The following SUCLG2 variants were observed in gnomAD, a reference collection of about 807,000 sequenced individuals.
The protein encoded by SUCLG2 is succinate-CoA ligase GDP-forming subunit beta.
SUCLG2 carries 42 observed loss-of-function variants against 47.9 expected under a neutral mutation model. That is an observed-to-expected ratio of 0.88 (90% CI 0.69 to 1.14). SUCLG2 has a LOEUF of 1.14. Ranked by LOEUF, SUCLG2 falls within the 50% of genes most tolerant of loss-of-function variation. The probability of loss-of-function intolerance (pLI) is 0.00; values close to 1 mark genes in which losing one functional copy is unlikely to be tolerated. For synonymous variants in SUCLG2, 195 were observed against 197.3 expected, an observed-to-expected ratio of 0.99 and a Z score of 0.10; for missense variants, 571 against 525.9, an observed-to-expected ratio of 1.09 and a Z score of -0.84.
chr3:67,531,686 A>T (rs1291533964), intron 2 of SUCLG2, among the ~76,000 whole-genome samples: 2 of 152,186 alleles, frequency 1.3e-5, no homozygotes, highest in Non-Finnish European at 2.9e-5. Flanking sequence ...GAGTTCACTA[A>T]AATCATCTCT....
chr3:67,447,090 C>CA (rs1443987994), intron 9 of SUCLG2, among the ~76,000 whole-genome samples: 1 of 152,108 alleles, frequency 6.6e-6, no homozygotes, highest in South Asian at 2.1e-4. Context: ...AGTGTGTTGT[C>CA]AAAATGCAGA....
At chr3:67,492,352 T>C (rs567416546) in intron 9 of SUCLG2, among the ~76,000 whole-genome samples, 1 of 152,316 alleles carries the variant, frequency 6.6e-6, no homozygotes, top group South Asian at 2.1e-4. Context: ...ATTCCAGATG[T>C]TACATTTGCT....
chr3:67,569,588 C>G (rs774918786), intron 2 of SUCLG2, among the ~76,000 whole-genome samples: 1 of 152,216 alleles, frequency 6.6e-6, no homozygotes, highest in African/African-American at 2.4e-5. Flanking sequence ...AGGTTTTGGA[C>G]TTGCTTGGGC....
chr3:67,403,332 A>G (rs924859737), intron 9 of SUCLG2, among the ~76,000 whole-genome samples: 2 of 152,196 alleles, frequency 1.3e-5, no homozygotes, highest in Non-Finnish European at 2.9e-5. Flanking sequence ...GTGCTTCTCT[A>G]AAACAAAGAT....
intron 2 of SUCLG2, among the ~76,000 whole-genome samples, chr3:67,538,404 C>T (rs1009190091): frequency 6.6e-6 from 1 of 151,550 alleles, no homozygotes; most frequent in Admixed American, 6.6e-5. Context: ...TTTCGGAGGC[C>T]TCTGTTGGTC....
At chr3:67,436,218 G>A (rs886564606) in intron 9 of SUCLG2, among the ~76,000 whole-genome samples, 1 of 152,154 alleles carries the variant, frequency 6.6e-6, no homozygotes, top group Admixed American at 6.5e-5. Flanking sequence ...GAATGAGCAG[G>A]AAAACAAAAT....
At chr3:67,363,772 T>C (rs1022656044) in intron 10 of SUCLG2, among the ~76,000 whole-genome samples, 1 of 151,772 alleles carries the variant, frequency 6.6e-6, no homozygotes, top group East Asian at 1.9e-4. Context: ...GAGAGAACAA[T>C]AGCACTTCCT....
At chr3:67,596,636 C>T (rs555975930) in intron 2 of SUCLG2, among the ~76,000 whole-genome samples, 15 of 152,152 alleles carry the variant, frequency 9.9e-5, no homozygotes, top group Admixed American at 3.3e-4. Context: ...GTCTTGGAAG[C>T]ACCAACTATT....
intron 2 of SUCLG2, among the ~76,000 whole-genome samples, chr3:67,604,612 T>A (rs1434548722): frequency 6.6e-6 from 1 of 151,726 alleles, no homozygotes; most frequent in South Asian, 2.1e-4. Flanking sequence ...GAGACATTAA[T>A]GATGCAGAGC....
chr3:67,593,868 G>T (rs1463659170), intron 2 of SUCLG2, among the ~76,000 whole-genome samples: 6 of 152,176 alleles, frequency 3.9e-5, no homozygotes, highest in Non-Finnish European at 7.3e-5. Flanking sequence ...CTGGATCCAT[G>T]CCATTTTCCA....
At chr3:67,609,321 G>T in intron 2 of SUCLG2, 134 bp downstream of exon 2, 1 of 1,003,718 alleles carries the variant, frequency 1.0e-6, no homozygotes, top group South Asian at 1.7e-5. Flanking sequence ...TTTTGCTTTT[G>T]CAGTTCTAAG....
intron 2 of SUCLG2, among the ~76,000 whole-genome samples, chr3:67,595,189 G>A (rs1009340767): frequency 2.6e-5 from 4 of 152,078 alleles, no homozygotes; most frequent in African/African-American, 9.7e-5. Flanking sequence ...CAGGGACTTC[G>A]ATGTTCACAA....
At chr3:67,475,892 C>T (rs1038576668) in intron 9 of SUCLG2, among the ~76,000 whole-genome samples, 7 of 151,878 alleles carry the variant, frequency 4.6e-5, no homozygotes, top group Non-Finnish European at 1.0e-4. Context: ...AGTTATAAAC[C>T]TGAAATACTG....
At chr3:67,527,357 A>C (rs1217480984) in intron 4 of SUCLG2, among the ~76,000 whole-genome samples, 1 of 152,216 alleles carries the variant, frequency 6.6e-6, no homozygotes, top group African/African-American at 2.4e-5. Context: ...TGATCTGTGT[A>C]GTTGTAAAGG....
At chr3:67,395,231 T>C (rs1443615256) in intron 10 of SUCLG2, among the ~76,000 whole-genome samples, 6 of 151,712 alleles carry the variant, frequency 4.0e-5, no homozygotes, top group South Asian at 2.1e-4. Flanking sequence ...GACTGGCAAA[T>C]TGGATAAAGA....
At chr3:67,626,339 G>T (rs1010168492) in intron 1 of SUCLG2, among the ~76,000 whole-genome samples, 1 of 151,920 alleles carries the variant, frequency 6.6e-6, no homozygotes. Context: ...GGAGCAGAGC[G>T]GGGGCTCGGG....
rs77613421 is a variant in SUCLG2, at chr3:67,585,367, T to A, written c.226+24088A>T. 4.0e-3 allele frequency among the ~76,000 whole-genome samples: 606 copies of A among 152,288 alleles called. 5 individuals carry two copies. The highest frequency in any genetic ancestry group is 0.014 in the African/African-American group (571 of 41,562). On this transcript the variant is annotated intron_variant, in intron 2 of 10. Coordinates refer to ENST00000307227, the MANE Select transcript of SUCLG2 (RefSeq NM_003848.4). ...TTGTGAAAACACATGGTCTTGACCA[T>A]GGAAAGAACATGAAGCGGACACTCA...
rs1701185674 is a variant in SUCLG2, at chr3:67,646,086, G to A, written c.84+8417C>T. ...ACGGGGAAGGGAGGGGAATGGAGGG[G>A]AGGGCAGGGGAGGGGAGGGGAGGAG... On this transcript the variant is annotated intron_variant, in intron 1 of 10. Coordinates refer to ENST00000307227, the MANE Select transcript of SUCLG2 (RefSeq NM_003848.4). Among the ~76,000 whole-genome samples, 5 of 145,304 alleles carry A rather than the reference G, an allele frequency of 3.4e-5. No homozygotes were observed. The South Asian group carries it at 1.2e-3, about 34-fold the overall frequency.
chr3:67,612,769 C>CA (rs1700554511), intron 1 of SUCLG2, among the ~76,000 whole-genome samples: 1 of 152,184 alleles, frequency 6.6e-6, no homozygotes, highest in Admixed American at 6.5e-5. Context: ...CTCAGTCCCA[C>CA]AGGACTATAC....
Sources: allele counts gnomAD v4.1 joint callset (sites outside exome capture counted in the v4.1 genomes callset), GRCh38; gene constraint gnomAD v4.1.1; transcripts MANE v1.5; gene names NCBI Gene and HGNC (gene_info 2026-07-23, HGNC 2026-07-21).